Variants in ZNF514 observed in about 807,000 individuals in gnomAD.
ZNF514 encodes the protein zinc finger protein 514.
A neutral mutation model predicts 9.7 loss-of-function variants in ZNF514; 12 were observed. That is an observed-to-expected ratio of 1.24 (90% CI 0.79 to 2.01). The LOEUF (loss-of-function observed/expected upper bound fraction) is 2.01. Ranked by LOEUF, ZNF514 falls within the 30% of genes most tolerant of loss-of-function variation. The pLI is 0.00. For missense variants in ZNF514, 467 were observed against 465.5 expected (o/e 1.00, Z -0.03); for synonymous variants, 158 against 163.7 (o/e 0.97, Z 0.27).
At chr2:95,131,172 A>T in the ZNF514 span, among the ~76,000 whole-genome samples, 7 of 152,216 alleles carry the variant, frequency 4.6e-5, no homozygotes, top group African/African-American at 1.4e-4. Context: ...GCCTAAAATT[A>T]AAGCCCAATA....
At chr2:95,134,227 C>T in the ZNF514 span, among the ~76,000 whole-genome samples, 1 of 152,164 alleles carries the variant, frequency 6.6e-6, no homozygotes, top group Non-Finnish European at 1.5e-5. Flanking sequence ...GTCCAAGCCA[C>T]ATCTCATCAC....
downstream of ZNF514, among the ~76,000 whole-genome samples, chr2:95,140,526 T>G (rs1676810909): frequency 6.6e-6 from 1 of 151,732 alleles, no homozygotes; most frequent in South Asian, 2.1e-4. Context: ...GGCAGGAGAA[T>G]CACTTGAACC....
Position 95,149,799 on chromosome 2 carries a change from T to C in ZNF514, c.686A>G (p.Glu229Gly), listed in dbSNP as rs1558700260. Residue 229 changes from glutamate (E) to glycine (G), a missense_variant, in exon 5 of 5, where the codon GAA becomes GGA. Physicochemically the swap from Glu to Gly is moderately conservative, Grantham distance 98. Transcript: ENST00000295208. ...LRRHQRCHTG[E>G]KPYECSDCGR... The stretch of plus-strand genomic sequence containing the variant: ...ACAGTCACTGCATTCATACGGCTTT[T>C]CTCCAGTGTGACATCGCTGATGGCG... 1 of 1,614,264 alleles carries C rather than the reference T, an allele frequency of 6.2e-7. No individual in the cohort carries two copies. Among genetic ancestry groups the C allele is most frequent in the East Asian group, 2.2e-5 (1 of 44,892 alleles).
At chr2:95,156,474 C>A (rs985011879) in intron 2 of ZNF514, among the ~76,000 whole-genome samples, 1 of 152,208 alleles carries the variant, frequency 6.6e-6, no homozygotes, top group Non-Finnish European at 1.5e-5. Flanking sequence ...CCCTTCCTCA[C>A]TAACTAGATA....
In ZNF514 at chr2:95,150,097, GT is replaced by G. The variant is rs766427975; in HGVS notation, c.387del (p.Lys129AsnfsTer6). Reference protein sequence around the residue: ...CDGQLEMQQIKQERHLKQMST... With the variant: ...CDGQLEMQQIXQERHLKQMST... ...GACATTTGTTTCAGGTGTCTCTCCT[GT>G]TTTATCTGCTGCATCTCTAACTGGC... is the stretch of plus-strand genomic sequence containing the variant. On this transcript the variant is annotated frameshift_variant, in exon 5 of 5. Transcript: ENST00000295208. LOFTEE classifies it low-confidence loss of function (END_TRUNC). 5 of 1,613,162 alleles carry G rather than the reference GT, an allele frequency of 3.1e-6. No homozygotes were observed. The highest frequency in any genetic ancestry group is 1.3e-5 in the African/African-American group (1 of 75,014).
At chr2:95,136,194 C>T in the ZNF514 span, among the ~76,000 whole-genome samples, 1 of 152,064 alleles carries the variant, frequency 6.6e-6, no homozygotes, top group Non-Finnish European at 1.5e-5. Flanking sequence ...ATTTTCTATA[C>T]ACAAGATCAT....
In ZNF514 at chr2:95,146,766, AT is replaced by A. The variant is rs1673370543; in HGVS notation, c.*2515del. Among the ~76,000 whole-genome samples, 1 of 151,802 alleles carries A rather than the reference AT, an allele frequency of 6.6e-6. No homozygotes were observed. Among genetic ancestry groups the A allele is most frequent in the Non-Finnish European group, 1.5e-5 (1 of 67,944 alleles). The stretch of plus-strand genomic sequence containing the variant: ...AAGACCAGTTACAAAATTGTGACAG[AT>A]GTCTAGGTATAAAGTGATCTGGGTA... On this transcript the variant is annotated 3_prime_UTR_variant, in exon 5 of 5. Coordinates refer to ENST00000295208, the MANE Select transcript of ZNF514 (RefSeq NM_032788.3).
chr2:95,141,376 G>A (rs1364957947), downstream of ZNF514, among the ~76,000 whole-genome samples: 2 of 152,092 alleles, frequency 1.3e-5, no homozygotes, highest in Non-Finnish European at 2.9e-5. Context: ...GCACTCTCTA[G>A]GCAAAGGTAC....
chr2:95,149,188 T>C lies in ZNF514; in HGVS notation c.*94A>G, dbSNP rs992516966. ...TGGAACAAGATGTGGTCTTCCCACA[T>C]ACATTACACCTTTAGGATCTCTCTC... On this transcript the variant is annotated 3_prime_UTR_variant, in exon 5 of 5. Coordinates refer to ENST00000295208, the MANE Select transcript of ZNF514 (RefSeq NM_032788.3). 11 of 1,424,354 alleles carry C rather than the reference T, an allele frequency of 7.7e-6. No individual in the cohort carries two copies. The African/African-American group carries it at 1.1e-4, about 15-fold the overall frequency. The allele number at this position is 1,424,354 out of a possible 1,614,324, so 88.2% of individuals were successfully genotyped here.
In ZNF514 at chr2:95,150,072, G is replaced by A. The variant is rs1379552062; in HGVS notation, c.413C>T (p.Ser138Leu). The change falls in exon 5 of 5, where the codon TCA (serine) becomes TTA (leucine). Residue 138 changes from serine to leucine, a missense_variant. Coordinates refer to ENST00000295208, the MANE Select transcript of ZNF514 (RefSeq NM_032788.3). ...GGTGGTGGCAGATTTGTGAATGGTTGACATTTGTTTCAGGTGTCTCTCCTG... is the reference window on the plus strand; with the variant it reads ...GGTGGTGGCAGATTTGTGAATGGTTAACATTTGTTTCAGGTGTCTCTCCTG... ...IKQERHLKQM[S>L]TIHKSATTLS... The A allele has an allele frequency of 2.4e-5, 39 of 1,613,822 alleles. No homozygotes were observed. Among genetic ancestry groups the A allele is most frequent in the Non-Finnish European group, 3.2e-5 (38 of 1,180,032 alleles).
At chr2:95,155,553 T>C (rs925972286) in intron 2 of ZNF514, 12 of 152,256 alleles carry the variant, frequency 7.9e-5, no homozygotes, top group African/African-American at 2.9e-4. Context: ...CCATCCAGAC[T>C]ATCGCGCCAT....
At chr2:95,155,104 T>G (rs188161327) in intron 2 of ZNF514, 1 of 152,338 alleles carries the variant, frequency 6.6e-6, no homozygotes, top group East Asian at 1.9e-4. Flanking sequence ...AAAAGCTGAT[T>G]AAGTTTTTTA....
chr2:95,125,462 T>A, the ZNF514 span, among the ~76,000 whole-genome samples: 1 of 152,138 alleles, frequency 6.6e-6, no homozygotes. Context: ...ATGGTCTCGA[T>A]CTCTTGACCT....
chr2:95,128,444 C>G, the ZNF514 span, among the ~76,000 whole-genome samples: 1 of 150,190 alleles, frequency 6.7e-6, no homozygotes, highest in Non-Finnish European at 1.5e-5. Context: ...GTAATCCCAG[C>G]TACTTGAGAG....
intron 4 of ZNF514, among the ~76,000 whole-genome samples, chr2:95,150,471 G>A (rs976908265): frequency 6.6e-6 from 1 of 152,142 alleles, no homozygotes; most frequent in Non-Finnish European, 1.5e-5. Context: ...GATGACTGGA[G>A]ATTAAGAAAA....
At position 95,148,973 on chromosome 2, in the gene ZNF514, T is replaced by C. The variant is rs745556434; in HGVS notation, c.*309A>G. 3.2e-5 allele frequency: 10 copies of C among 309,282 alleles called. No homozygotes were observed. The highest frequency in any genetic ancestry group is 5.4e-5 in the Non-Finnish European group (9 of 168,192). The allele number at this position is 309,282 out of a possible 1,614,324, so 19.2% of individuals were successfully genotyped here. On this transcript the variant is annotated 3_prime_UTR_variant, in exon 5 of 5. Transcript: ENST00000295208. Reference sequence around the variant, plus strand: ...TGAAGGCTTGCCACACTCACTGCATTGATAAGGCTCCTCCCCAGTGTCGGC... The same window carrying C: ...TGAAGGCTTGCCACACTCACTGCATCGATAAGGCTCCTCCCCAGTGTCGGC...
chr2:95,159,692 CGCCCCGCGCCA>C lies in ZNF514; in HGVS notation c.-559_-549del, dbSNP rs1326537267. On this transcript the variant is annotated 5_prime_UTR_variant, in exon 1 of 5. Transcript: ENST00000295208. The stretch of plus-strand genomic sequence containing the variant: ...GCCACCCCGCGCCAGCCCCCGCGTC[CGCCCCGCGCCA>C]GCCCCCGCGTCCGCCCCGCGCCAGC... The C allele has an allele frequency of 3.6e-3, 353 of 96,812 alleles. 2 individuals carry two copies. Among genetic ancestry groups the C allele is most frequent in the Middle Eastern group, 9.9e-3 (2 of 202 alleles). The allele number at this position is 96,812 out of a possible 1,614,324, so 6.0% of individuals were successfully genotyped here. A position where few individuals can be genotyped will look rare whatever the true frequency, so the allele number is the denominator to read the frequency against.
At chr2:95,128,662 ATAAG>A in the ZNF514 span, among the ~76,000 whole-genome samples, 1 of 151,084 alleles carries the variant, frequency 6.6e-6, no homozygotes, top group African/African-American at 2.4e-5. Flanking sequence ...AGGAGGAGGA[ATAAG>A]GAAGAAGAAG....
downstream of ZNF514, among the ~76,000 whole-genome samples, chr2:95,144,318 A>T (rs1673312988): frequency 6.6e-6 from 1 of 152,234 alleles, no homozygotes; most frequent in African/African-American, 2.4e-5. Flanking sequence ...TCATGCCAGA[A>T]ATACCAAGCA....
Sources: gnomAD v4.1 joint callset for allele counts (sites outside exome capture counted in the v4.1 genomes callset) on GRCh38, gnomAD v4.1.1 for gene constraint, MANE v1.5 for transcripts, NCBI Gene and HGNC (gene_info 2026-07-23, HGNC 2026-07-21) for gene names.